Variants in DUSP5 observed in about 807,000 individuals in gnomAD.
DUSP5 encodes the protein dual specificity protein phosphatase 5.
A neutral mutation model predicts 33.6 loss-of-function variants in DUSP5; 22 were observed. That is an observed-to-expected ratio of 0.66 (90% CI 0.47 to 0.94). The LOEUF is 0.94. DUSP5 is among the 40% of genes least tolerant of loss of function. The pLI is 0.00. For synonymous variants in DUSP5, 270 were observed against 231.1 expected (o/e 1.17, Z -1.53); for missense variants, 551 against 522.1 (o/e 1.06, Z -0.54).
At chr10:110,501,688 A>G (rs1216132497) in intron 1 of DUSP5, among the ~76,000 whole-genome samples, 2 of 152,166 alleles carry the variant, frequency 1.3e-5, no homozygotes, top group Admixed American at 6.5e-5. Context: ...TGGAGGCCCT[A>G]GGAAATGTCT....
At chr10:110,509,613 A>G (rs1350693187) in intron 3 of DUSP5, among the ~76,000 whole-genome samples, 1 of 152,220 alleles carries the variant, frequency 6.6e-6, no homozygotes, top group East Asian at 1.9e-4. Context: ...GTGCCCAATA[A>G]AAATGTGCAC....
In DUSP5 at chr10:110,510,171, C is replaced by G. The variant is rs980162346; in HGVS notation, c.900C>G (p.Val300=). The G allele has an allele frequency of 6.2e-7, 1 of 1,614,120 alleles. No homozygotes were observed. The highest frequency in any genetic ancestry group is 1.7e-5 in the Admixed American group (1 of 60,012). The change falls in exon 4 of 4, where the codon GTC becomes GTG. Residue 300 remains valine (V), a synonymous_variant. Transcript: ENST00000369583. ...ACATCAAGCAGAGGAGGAGCATGGT[C>G]TCGCCCAACTTTGGCTTCATGGGCC... ...FDYIKQRRSM[V]SPNFGFMGQL... is the part of the protein sequence containing the mutation.
At position 110,501,970 on chromosome 10, in the gene DUSP5, G is replaced by GC. The variant is rs201464648; in HGVS notation, c.380-751_380-750insC. On this transcript the variant is annotated intron_variant, in intron 1 of 3. Coordinates refer to ENST00000369583, the MANE Select transcript of DUSP5 (RefSeq NM_004419.4). The stretch of plus-strand genomic sequence containing the variant: ...CCGTAAGTTGACTTATTGATTGGGG[G>GC]GGGGGTGCAGGAGGAGTAGGAGAGA... Among the ~76,000 whole-genome samples, 106 of 151,748 alleles carry GC rather than the reference G, an allele frequency of 7.0e-4. 1 individual carries two copies. In the East Asian group the frequency reaches 0.019, roughly 27 times the overall value.
At chr10:110,507,270 C>A in intron 3 of DUSP5, 116 bp downstream of exon 3, 1 of 1,086,932 alleles carries the variant, frequency 9.2e-7, no homozygotes, top group Non-Finnish European at 1.3e-6. Flanking sequence ...CTTGTATATG[C>A]CGCTGCTGAG....
intron 2 of DUSP5, among the ~76,000 whole-genome samples, chr10:110,504,987 C>T (rs781029343): frequency 3.3e-5 from 5 of 152,192 alleles, no homozygotes; most frequent in Admixed American, 6.5e-5. Flanking sequence ...CGCTGTCTGA[C>T]GCCCAAGCCC....
chr10:110,499,550 C>A (rs1426286524), intron 1 of DUSP5, among the ~76,000 whole-genome samples: 1 of 152,164 alleles, frequency 6.6e-6, no homozygotes, highest in African/African-American at 2.4e-5. Context: ...GAGCCGGCGC[C>A]GAGTTAGGAG....
Position 110,498,244 on chromosome 10 carries a change from C to T in DUSP5, c.123C>T (p.Gly41=). The T allele has an allele frequency of 1.3e-6, 2 of 1,505,824 alleles. No individual in the cohort carries two copies. The highest frequency in any genetic ancestry group is 1.8e-6 in the Non-Finnish European group (2 of 1,125,958). 93.3% of individuals were successfully genotyped at this position (1,505,824 alleles called of 1,614,324 possible). The change falls in exon 1 of 4, where the codon GGC becomes GGT. Residue 41 remains glycine, a synonymous_variant. Transcript: ENST00000369583. The stretch of plus-strand genomic sequence containing the variant: ...CCTTCGCTGCCTCGAACGTGCGCGG[C>T]TCGCTCAACGTCAACCTCAACTCGG... ...YLAFAASNVR[G]SLNVNLNSVV... is the part of the protein sequence containing the mutation.
rs1249084497 is a variant in DUSP5 at position 110,504,388 on chromosome 10, A to C, written c.528+1519A>C. Among the ~76,000 whole-genome samples the C allele has an allele frequency of 1.1e-4, 16 of 152,230 alleles. 1 individual carries two copies. Among genetic ancestry groups the C allele is most frequent in the Admixed American group, 1.0e-3 (16 of 15,284 alleles). The stretch of plus-strand genomic sequence containing the variant: ...GCTTCTTCCTCTTGGTCTAAACAGA[A>C]GTTCAAAAAGGGAAAGAAATGTAGT... On this transcript the variant is annotated intron_variant, in intron 2 of 3. Coordinates refer to ENST00000369583, the MANE Select transcript of DUSP5 (RefSeq NM_004419.4).
chr10:110,500,197 G>C (rs1860026137), intron 1 of DUSP5, among the ~76,000 whole-genome samples: 1 of 152,124 alleles, frequency 6.6e-6, no homozygotes, highest in Non-Finnish European at 1.5e-5. Flanking sequence ...CCTGCCTCTT[G>C]TATCTATCTA....
rs1375797212 is a variant in DUSP5 at position 110,498,227 on chromosome 10, G to C, written c.106G>C (p.Ala36Pro). The C allele has an allele frequency of 1.3e-6, 2 of 1,515,038 alleles. No homozygotes were observed. The highest frequency in any genetic ancestry group is 8.8e-7 in the Non-Finnish European group (1 of 1,131,690). The allele number at this position is 1,515,038 out of a possible 1,614,324, so 93.8% of individuals were successfully genotyped here. The change falls in exon 1 of 4, where the codon GCC becomes CCC. Residue 36 changes from alanine to proline, a missense_variant. Around this residue, in one of 3 missense-constraint regions of DUSP5, gnomAD observed 381 missense variants for 310.4 expected, o/e 1.23. Coordinates refer to ENST00000369583, the MANE Select transcript of DUSP5 (RefSeq NM_004419.4). ...CTGCCGGCCCTATCTGGCCTTCGCTGCCTCGAACGTGCGCGGCTCGCTCAA... is the reference window on the plus strand; with the variant it reads ...CTGCCGGCCCTATCTGGCCTTCGCTCCCTCGAACGTGCGCGGCTCGCTCAA... ...LDCRPYLAFA[A>P]SNVRGSLNVN...
At chr10:110,506,409 G>T (rs981806597) in intron 2 of DUSP5, among the ~76,000 whole-genome samples, 8 of 152,094 alleles carry the variant, frequency 5.3e-5, no homozygotes, top group Non-Finnish European at 7.4e-5. Flanking sequence ...TGCAGCCTGG[G>T]TGACGGAGCA....
intron 1 of DUSP5, 100 bp from the exon 2 acceptor site, chr10:110,502,621 A>G (rs1860067615): frequency 7.2e-7 from 1 of 1,392,632 alleles, no homozygotes; most frequent in Admixed American, 2.3e-5. Flanking sequence ...TTTTTTTCTT[A>G]ACTGTGTAAC....
chr10:110,506,906 T>A, intron 2 of DUSP5, 29 bp from the exon 3 acceptor site: 1 of 1,606,170 alleles, frequency 6.2e-7, no homozygotes, highest in Non-Finnish European at 8.5e-7. Flanking sequence ...ATCCAATATT[T>A]CCTGATTGTC....
intron 1 of DUSP5, among the ~76,000 whole-genome samples, chr10:110,501,251 G>A (rs1860043706): frequency 6.6e-6 from 1 of 152,192 alleles, no homozygotes; most frequent in Non-Finnish European, 1.5e-5. Context: ...CAGAGCATGG[G>A]AAGCTAAGCT....
At chr10:110,505,555 G>A (rs552859547) in intron 2 of DUSP5, among the ~76,000 whole-genome samples, 3 of 152,220 alleles carry the variant, frequency 2.0e-5, no homozygotes, top group Non-Finnish European at 4.4e-5. Flanking sequence ...AGAATTGCCT[G>A]TGGCTGGCCC....
Position 110,502,883 on chromosome 10 carries a change from T to TG in DUSP5, c.528+18dup. The TG allele has an allele frequency of 6.2e-7, 1 of 1,614,118 alleles. No homozygotes were observed. The highest frequency in any genetic ancestry group is 1.3e-5 in the African/African-American group (1 of 75,032). ...GCTTATGACCAGGTACGTGATGTGATGGGGAAGAGGTATCCTGAGTGGTAT... is the reference window on the plus strand; with the variant it reads ...GCTTATGACCAGGTACGTGATGTGATGGGGGAAGAGGTATCCTGAGTGGTAT... On this transcript the variant is annotated intron_variant, in intron 2 of 3. Coordinates refer to ENST00000369583, the MANE Select transcript of DUSP5 (RefSeq NM_004419.4).
chr10:110,499,952 A>G (rs1291379821), intron 1 of DUSP5, among the ~76,000 whole-genome samples: 1 of 152,160 alleles, frequency 6.6e-6, no homozygotes, highest in Non-Finnish European at 1.5e-5. Context: ...CAAAGTAGGC[A>G]GCTCTATAGA....
At position 110,510,721 on chromosome 10, in the gene DUSP5, C is replaced by T. The variant is rs148448051; in HGVS notation, c.*295C>T. 3.1e-6 allele frequency: 1 copy of T among 318,334 alleles called. No individual in the cohort carries two copies. 19.7% of individuals were successfully genotyped at this position (318,334 alleles called of 1,614,324 possible). ...CCTTGCACCTCAGAGTTCGCCTTTTCATTTCAAGCATAAGGCAATAAATAC... is the reference window on the plus strand; with the variant it reads ...CCTTGCACCTCAGAGTTCGCCTTTTTATTTCAAGCATAAGGCAATAAATAC... On this transcript the variant is annotated 3_prime_UTR_variant, in exon 4 of 4. Transcript: ENST00000369583.
intron 1 of DUSP5, among the ~76,000 whole-genome samples, chr10:110,500,539 A>G (rs1438005581): frequency 6.6e-6 from 1 of 152,226 alleles, no homozygotes; most frequent in Non-Finnish European, 1.5e-5. Context: ...GGCATCTCAG[A>G]TCTTGGTGGG....
Sources: allele counts gnomAD v4.1 joint callset (sites outside exome capture counted in the v4.1 genomes callset), GRCh38; gene constraint gnomAD v4.1.1; regional missense constraint gnomAD v4.1.1; transcripts MANE v1.5; gene names NCBI Gene and HGNC (gene_info 2026-07-23, HGNC 2026-07-21).